MICAL3: variants seen among roughly 807,000 people sequenced by gnomAD.
MICAL3 encodes [F-actin]-monooxygenase MICAL3.
Under a neutral mutation model 207.4 loss-of-function variants are expected in MICAL3, and 62 were observed. That is an observed-to-expected ratio of 0.30 (90% CI 0.24 to 0.37). The LOEUF is 0.37. MICAL3 is among the 10% of genes least tolerant of loss of function. The pLI, the probability that MICAL3 is intolerant of heterozygous loss-of-function variation, is 1.00. For synonymous variants in MICAL3, 1,077 were observed against 1,069.3 expected (o/e 1.01, Z -0.14); for missense variants, 2,368 against 2,635.6 (o/e 0.90, Z 2.22).
rs62240564 is a variant in MICAL3 at position 17,876,811 on chromosome 22, G to A, written c.2242-4788C>T. On this transcript the variant is annotated intron_variant, in intron 16 of 31. Transcript: ENST00000441493. Reference sequence around the variant, plus strand: ...GAGGTTAGGGAAGTTATGGAGGTTAGGGAGGTTAGGGAGGTTATGGAGGTT... The same window carrying A: ...GAGGTTAGGGAAGTTATGGAGGTTAAGGAGGTTAGGGAGGTTATGGAGGTT... 168 of 40,586 alleles carry A rather than the reference G, an allele frequency of 4.1e-3. 6 individuals carry two copies. Among genetic ancestry groups the A allele is most frequent in the Middle Eastern group, 0.014 (1 of 70 alleles). The allele number at this position is 40,586 out of a possible 1,614,324, so 2.5% of individuals were successfully genotyped here. A position where few individuals can be genotyped will look rare whatever the true frequency, so the allele number is the denominator to read the frequency against.
In MICAL3 at chr22:17,885,893, G is replaced by A. The variant is rs574400135; in HGVS notation, c.2226C>T (p.Ile742=). 2.9e-5 allele frequency: 47 copies of A among 1,613,944 alleles called. No homozygotes were observed. In the African/African-American group the frequency reaches 3.5e-4, roughly 12 times the overall value. The change falls in exon 16 of 32, where the codon ATC becomes ATT. Residue 742 remains isoleucine (I), a synonymous_variant. Coordinates refer to ENST00000441493, the MANE Select transcript of MICAL3 (RefSeq NM_015241.3). ...KFEENAPAQS[I]GIRRQGSMKK... ...TTGGGTTTACCTGTCTCCGTATGCC[G>A]ATGGACTGTGCGGGCGCATTCTCTT...
At chr22:17,842,043 C>G (rs774855625) in intron 19 of MICAL3, 26 bp from the exon 20 acceptor site, 1 of 1,583,556 alleles carries the variant, frequency 6.3e-7, no homozygotes, top group Non-Finnish European at 8.6e-7. Flanking sequence ...AGAAGCACTG[C>G]ACTGAGGTCC....
chr22:17,820,414 G>C (rs979404242), intron 25 of MICAL3, among the ~76,000 whole-genome samples: 2 of 152,226 alleles, frequency 1.3e-5, no homozygotes, highest in Admixed American at 6.5e-5. Context: ...GAGTGCAGTG[G>C]TGCCATCTCG....
intron 19 of MICAL3, among the ~76,000 whole-genome samples, chr22:17,855,648 G>C (rs917743402): frequency 1.3e-5 from 2 of 152,206 alleles, no homozygotes; most frequent in Non-Finnish European, 2.9e-5. Flanking sequence ...ATTATTTACA[G>C]TCAATTCGGA....
chr22:18,019,720 A>G (rs752027057), intron 1 of MICAL3: 2 of 193,782 alleles, frequency 1.0e-5, no homozygotes, highest in Non-Finnish European at 2.2e-5. Context: ...AGAAAAAGAA[A>G]AAAAGGGTGA....
At chr22:17,956,427 A>G (rs1465073283) in intron 1 of MICAL3, among the ~76,000 whole-genome samples, 1 of 152,272 alleles carries the variant, frequency 6.6e-6, no homozygotes, top group South Asian at 2.1e-4. Context: ...TAATCCCCGC[A>G]CTTTGGGAGG....
At chr22:17,838,497 TC>T (rs1923638685) in intron 20 of MICAL3, among the ~76,000 whole-genome samples, 1 of 117,056 alleles carries the variant, frequency 8.5e-6, no homozygotes, top group African/African-American at 4.7e-5. Context: ...ACTCCGGGCA[TC>T]AAGGCTTCGT....
intron 11 of MICAL3, 108 bp from the exon 12 acceptor site, chr22:17,891,740 G>T: frequency 9.8e-7 from 1 of 1,018,384 alleles, no homozygotes; most frequent in South Asian, 1.5e-5. Flanking sequence ...CTGAGGGTAG[G>T]GACGAAACAG....
At chr22:17,965,919 G>A (rs573154093) in intron 1 of MICAL3, among the ~76,000 whole-genome samples, 1 of 152,270 alleles carries the variant, frequency 6.6e-6, no homozygotes, top group East Asian at 1.9e-4. Flanking sequence ...GCACTCGAGG[G>A]TGGTCTGACC....
chr22:17,895,799 AGAT>A (rs1274106239), intron 9 of MICAL3, among the ~76,000 whole-genome samples: 3 of 152,252 alleles, frequency 2.0e-5, no homozygotes, highest in African/African-American at 7.2e-5. Context: ...AGACAAAATA[AGAT>A]GATATCAACT....
At chr22:18,018,742 AT>A in intron 1 of MICAL3, among the ~76,000 whole-genome samples, 1 of 21,762 alleles carries the variant, frequency 4.6e-5, no homozygotes, top group Non-Finnish European at 8.2e-5. Context: ...AATAAAAAAT[AT>A]CTATCTATCT....
chr22:17,836,723 C>G (rs918965367), intron 20 of MICAL3, among the ~76,000 whole-genome samples: 1 of 151,416 alleles, frequency 6.6e-6, no homozygotes, highest in Admixed American at 6.6e-5. Flanking sequence ...AGGCTCACTG[C>G]AAGCTCCGCC....
chr22:17,811,664 C>G (rs1340263109), intron 27 of MICAL3, among the ~76,000 whole-genome samples: 1 of 152,202 alleles, frequency 6.6e-6, no homozygotes, highest in Non-Finnish European at 1.5e-5. Flanking sequence ...AAACCATGGG[C>G]AACAAGAGGG....
intron 19 of MICAL3, among the ~76,000 whole-genome samples, chr22:17,852,900 C>T (rs1895139851): frequency 6.6e-6 from 1 of 152,148 alleles, no homozygotes; most frequent in African/African-American, 2.4e-5. Context: ...CATGGTGAAA[C>T]CCAGTTTCTA....
chr22:17,876,729 A>G, intron 16 of MICAL3: 1 of 151,152 alleles, frequency 6.6e-6, no homozygotes. Context: ...TATGGAGGTT[A>G]GGGAGCTTAT....
At chr22:17,811,229 T>C (rs1053445271) in intron 27 of MICAL3, 3 of 156,630 alleles carry the variant, frequency 1.9e-5, no homozygotes, top group African/African-American at 4.8e-5. Context: ...AGTAAAAACA[T>C]TGGTAGGCTG....
At chr22:17,808,796 G>A (rs905291951) in intron 29 of MICAL3, 48 bp downstream of exon 29, 5 of 1,484,346 alleles carry the variant, frequency 3.4e-6, no homozygotes, top group Admixed American at 2.0e-5. Context: ...CACGGCGGGA[G>A]GGAGGGCTTC....
chr22:18,011,154 T>G (rs1358324414), intron 1 of MICAL3, among the ~76,000 whole-genome samples: 1 of 152,162 alleles, frequency 6.6e-6, no homozygotes, highest in Non-Finnish European at 1.5e-5. Context: ...CCACAATCAT[T>G]GATTTTCATA....
intron 7 of MICAL3, among the ~76,000 whole-genome samples, chr22:17,898,919 C>T (rs992103428): frequency 6.6e-6 from 1 of 152,134 alleles, no homozygotes; most frequent in South Asian, 2.1e-4. Context: ...AAAACTGTAT[C>T]GGCAGTGACA....
Sources: allele counts gnomAD v4.1 joint callset (sites outside exome capture counted in the v4.1 genomes callset), GRCh38; gene constraint gnomAD v4.1.1; transcripts MANE v1.5; gene names NCBI Gene and HGNC (gene_info 2026-07-23, HGNC 2026-07-21).